PLEKHA5: variants seen among roughly 807,000 people sequenced by gnomAD.
PLEKHA5 encodes the protein pleckstrin homology domain containing A5.
PLEKHA5 carries 55 observed loss-of-function variants against 181.9 expected under a neutral mutation model. The observed-to-expected ratio is 0.30, with a 90% CI of 0.24 to 0.38. PLEKHA5 has a LOEUF of 0.38. Ranked by LOEUF, PLEKHA5 falls within the 10% of genes least tolerant of loss-of-function variation. The pLI is 1.00. For missense variants in PLEKHA5, 1,432 were observed against 1,549.5 expected (o/e 0.92, Z 1.27); for synonymous variants, 535 against 529.4 (o/e 1.01, Z -0.15).
chr12:19,303,689 G>A (rs1014177972), intron 15 of PLEKHA5: 2 of 152,132 alleles, frequency 1.3e-5, no homozygotes, highest in African/African-American at 4.8e-5. Flanking sequence ...AATGCAGCAG[G>A]TCAAGACTTC....
intron 15 of PLEKHA5, among the ~76,000 whole-genome samples, chr12:19,297,358 C>T (rs1341893543): frequency 4.0e-5 from 6 of 148,458 alleles, no homozygotes; most frequent in Non-Finnish European, 1.5e-5. Flanking sequence ...CGCGGTGGCT[C>T]ACGCCTGTAA....
At chr12:19,218,669 T>G (rs932117568) in intron 3 of PLEKHA5, among the ~76,000 whole-genome samples, 26 of 152,042 alleles carry the variant, frequency 1.7e-4, no homozygotes, top group Admixed American at 3.9e-4. Flanking sequence ...TATGATTGAT[T>G]TTTCTCCAGT....
Position 19,130,017 on chromosome 12 carries a change from C to T in PLEKHA5, c.90-34C>T, listed in dbSNP as rs765003320. 3.3e-6 allele frequency: 5 copies of T among 1,532,792 alleles called. No individual in the cohort carries two copies. Among genetic ancestry groups the T allele is most frequent in the Non-Finnish European group, 2.7e-6 (3 of 1,129,380 alleles). The allele number at this position is 1,532,792 out of a possible 1,614,324, so 94.9% of individuals were successfully genotyped here. ...CGGCTCGCCCCCGCGTCCCCTCTCA[C>T]GCTCCGTGTCTGCCCCTTCTCTCAC... is the stretch of plus-strand genomic sequence containing the variant. On this transcript the variant is annotated intron_variant, in intron 1 of 31. Coordinates refer to ENST00000429027, the MANE Select transcript of PLEKHA5 (RefSeq NM_001256470.2). The surrounding 1 kb of genome is among the most constrained non-coding windows in gnomAD (Gnocchi z 4.5).
intron 3 of PLEKHA5, among the ~76,000 whole-genome samples, chr12:19,243,772 CA>C (rs779605651): frequency 6.6e-6 from 1 of 151,620 alleles, no homozygotes. Context: ...TTTTACCCCT[CA>C]AAAAAAATTA....
Position 19,262,381 on chromosome 12 carries a change from G to A in PLEKHA5, c.610+1360G>A, listed in dbSNP as rs562311380. On this transcript the variant is annotated intron_variant, in intron 7 of 31. Transcript: ENST00000429027. ...CCCAAGTAGCTGGGATTACAGGCAC[G>A]CGCCACCACACTTGGCTAATTTTTT... is the stretch of plus-strand genomic sequence containing the variant. Among the ~76,000 whole-genome samples the A allele has an allele frequency of 1.3e-5, 2 of 152,124 alleles. 1 individual carries two copies. The highest frequency in any genetic ancestry group is 4.8e-5 in the African/African-American group (2 of 41,524).
At chr12:19,175,686 G>A (rs751643135) in intron 3 of PLEKHA5, among the ~76,000 whole-genome samples, 1 of 152,160 alleles carries the variant, frequency 6.6e-6, no homozygotes, top group Non-Finnish European at 1.5e-5. Context: ...ATACACATGT[G>A]TTAGCTTTGT....
At chr12:19,135,716 G>A (rs1053187052) in intron 3 of PLEKHA5, among the ~76,000 whole-genome samples, 2 of 152,008 alleles carry the variant, frequency 1.3e-5, no homozygotes, top group African/African-American at 2.4e-5. Context: ...CCTGATCAGC[G>A]TAAGAGTTGT....
At chr12:19,349,873 G>T (rs1592592790) in intron 25 of PLEKHA5, among the ~76,000 whole-genome samples, 1 of 152,294 alleles carries the variant, frequency 6.6e-6, no homozygotes, top group African/African-American at 2.4e-5. Context: ...AGCACTTTGG[G>T]AGGTGGAGGC....
At chr12:19,175,080 A>C (rs114026975) in intron 3 of PLEKHA5, among the ~76,000 whole-genome samples, 1,735 of 152,324 alleles carry the variant, frequency 0.011, 27 homozygotes, top group African/African-American at 0.034. Flanking sequence ...TTTTTAGAAG[A>C]CAGCTGGAAT....
intron 11 of PLEKHA5, among the ~76,000 whole-genome samples, chr12:19,279,685 A>G (rs1324386632): frequency 6.6e-6 from 1 of 151,590 alleles, no homozygotes; most frequent in African/African-American, 2.4e-5. Context: ...ACATACATAT[A>G]TATATAAAAT....
intron 20 of PLEKHA5, among the ~76,000 whole-genome samples, chr12:19,334,829 A>AAAAAAATATATATATAT: frequency 1.6e-4 from 3 of 18,604 alleles, no homozygotes; most frequent in African/African-American, 2.4e-4. Context: ...AAAAAAAAAA[A>AAAAAAATATATATATAT]ATATATATAT....
intron 20 of PLEKHA5, among the ~76,000 whole-genome samples, chr12:19,324,922 C>T (rs2091741891): frequency 6.6e-6 from 1 of 152,140 alleles, no homozygotes; most frequent in South Asian, 2.1e-4. Flanking sequence ...GCTCTACAGA[C>T]ATTTAGTTGG....
intron 31 of PLEKHA5, chr12:19,373,634 C>G (rs1369879272): frequency 1.3e-5 from 2 of 151,280 alleles, no homozygotes; most frequent in Non-Finnish European, 2.9e-5. Flanking sequence ...TGCCATTGCA[C>G]TCCAGCCTGG....
intron 3 of PLEKHA5, among the ~76,000 whole-genome samples, chr12:19,159,818 G>T (rs1032493845): frequency 6.6e-6 from 1 of 152,108 alleles, no homozygotes; most frequent in African/African-American, 2.4e-5. Context: ...TTTGAAGCCC[G>T]TAGAGACAGG....
rs995487042 is a variant in PLEKHA5 at position 19,320,438 on chromosome 12, G to A, written c.2155-124G>A. 4 of 515,460 alleles carry A rather than the reference G, an allele frequency of 7.8e-6. No individual in the cohort carries two copies. The African/African-American group carries it at 8.0e-5, about 10-fold the overall frequency. 31.9% of individuals were successfully genotyped at this position (515,460 alleles called of 1,614,324 possible). ...TTGAATTAAACTTCTAAAAGTGTAA[G>A]AATCATTAAAATCTATTTTTGTTAT... On this transcript the variant is annotated intron_variant, in intron 17 of 31. Transcript: ENST00000429027.
intron 3 of PLEKHA5, among the ~76,000 whole-genome samples, chr12:19,157,757 A>G (rs147627347): frequency 1.3e-5 from 2 of 152,264 alleles, no homozygotes; most frequent in East Asian, 1.9e-4. Context: ...CTGGGATTCA[A>G]GTTTGAATCA....
Position 19,130,302 on chromosome 12 carries a change from G to GGAGTTCTCTCCAGTCTCGGGGCGCCTC in PLEKHA5, c.169+173_169+199dup, listed in dbSNP as rs1370249461. The stretch of plus-strand genomic sequence containing the variant: ...AGGGGCCACGGGGACTCCGCCGCCG[G>GGAGTTCTCTCCAGTCTCGGGGCGCCTC]GAGTTCTCTCCAGTCTCGGGGCGCC... On this transcript the variant is annotated intron_variant, in intron 2 of 31. Coordinates refer to ENST00000429027, the MANE Select transcript of PLEKHA5 (RefSeq NM_001256470.2). This position sits in a 1 kb window ranked among gnomAD's most constrained non-coding sequence, Gnocchi z 4.5. 6.6e-6 allele frequency among the ~76,000 whole-genome samples: 1 copy of GGAGTTCTCTCCAGTCTCGGGGCGCCTC among 151,986 alleles called. No individual in the cohort carries two copies. Among genetic ancestry groups the GGAGTTCTCTCCAGTCTCGGGGCGCCTC allele is most frequent in the East Asian group, 1.9e-4 (1 of 5,138 alleles).
In PLEKHA5 at chr12:19,129,734, T is replaced by G; in HGVS notation, c.-66T>G. Reference sequence around the variant, plus strand: ...GCTCCGCGCTCCCTTCGCTCGCTCGTTCCCTCCTCCCTCGGCAGCCGCGGC... The same window carrying G: ...GCTCCGCGCTCCCTTCGCTCGCTCGGTCCCTCCTCCCTCGGCAGCCGCGGC... On this transcript the variant is annotated 5_prime_UTR_variant, in exon 1 of 32. Coordinates refer to ENST00000429027, the MANE Select transcript of PLEKHA5 (RefSeq NM_001256470.2). The G allele has an allele frequency of 7.8e-7, 1 of 1,286,768 alleles. No homozygotes were observed. Among genetic ancestry groups the G allele is most frequent in the Non-Finnish European group, 1.1e-6 (1 of 909,816 alleles). The allele number at this position is 1,286,768 out of a possible 1,614,324, so 79.7% of individuals were successfully genotyped here.
At chr12:19,352,092 A>G (rs1274962293) in intron 25 of PLEKHA5, among the ~76,000 whole-genome samples, 1 of 151,246 alleles carries the variant, frequency 6.6e-6, no homozygotes, top group African/African-American at 2.4e-5. Flanking sequence ...AAAAAAAAAA[A>G]AAAAAGACTG....
Sources: gnomAD v4.1 joint callset for allele counts (sites outside exome capture counted in the v4.1 genomes callset) on GRCh38, gnomAD v4.1.1 for gene constraint, Gnocchi (gnomAD v3.1) non-coding constraint, MANE v1.5 for transcripts, NCBI Gene and HGNC (gene_info 2026-07-23, HGNC 2026-07-21) for gene names.